GFM2: variants seen among roughly 807,000 people sequenced by gnomAD.
GFM2 encodes the protein GTP dependent ribosome recycling factor mitochondrial 2.
A neutral mutation model predicts 95.4 loss-of-function variants in GFM2; 72 were observed. The ratio of observed to expected loss-of-function variants is 0.76; its 90% CI spans 0.62 to 0.92. The LOEUF (loss-of-function observed/expected upper bound fraction) is 0.92. Among genes scored for constraint, GFM2 ranks in the 40% least tolerant of loss-of-function variants. GFM2 has a pLI of 0.00. For missense variants in GFM2, 825 were observed against 924.1 expected, an observed-to-expected ratio of 0.89 and a Z score of 1.39; for synonymous variants, 276 against 317.5, an observed-to-expected ratio of 0.87 and a Z score of 1.39.
At chr5:74,723,261 G>A (rs1194329118) in intron 19 of GFM2, among the ~76,000 whole-genome samples, 1 of 152,044 alleles carries the variant, frequency 6.6e-6, no homozygotes, top group East Asian at 1.9e-4. Flanking sequence ...CCTCAAAAAC[G>A]TTAAATCCTA....
intron 5 of GFM2, among the ~76,000 whole-genome samples, chr5:74,758,647 A>T (rs537351431): frequency 6.6e-6 from 1 of 152,324 alleles, no homozygotes; most frequent in Non-Finnish European, 1.5e-5. Context: ...GGGGCCTATG[A>T]TAGTCTTACA....
chr5:74,736,743 T>A, intron 15 of GFM2, 53 bp downstream of exon 15: 4 of 1,607,292 alleles, frequency 2.5e-6, no homozygotes, highest in Non-Finnish European at 3.4e-6. Flanking sequence ...TTGCAACTAT[T>A]TTATATAAAT....
At chr5:74,755,971 G>C (rs1333576856) in intron 5 of GFM2, among the ~76,000 whole-genome samples, 1 of 152,086 alleles carries the variant, frequency 6.6e-6, no homozygotes, top group African/African-American at 2.4e-5. Context: ...CAAAATACTA[G>C]CTAACTGAAT....
intron 5 of GFM2, among the ~76,000 whole-genome samples, chr5:74,752,145 G>A (rs530927191): frequency 3.9e-5 from 6 of 152,254 alleles, no homozygotes; most frequent in African/African-American, 1.4e-4. Context: ...TTGTACAAGT[G>A]CAAGTAGTCT....
In GFM2 at chr5:74,746,418, G is replaced by A. The variant is rs542360121; in HGVS notation, c.609-253C>T. Among the ~76,000 whole-genome samples, 12 of 152,270 alleles carry A rather than the reference G, an allele frequency of 7.9e-5. No homozygotes were observed. The East Asian group carries it at 2.3e-3, about 29-fold the overall frequency. ...GCTGTTTAGGGTATTATTATTGTGA[G>A]CTTCGCATAACTATACTTTGCAATT... On this transcript the variant is annotated intron_variant, in intron 8 of 20. Transcript: ENST00000296805.
chr5:74,765,012 C>CG (rs1744482863), intron 1 of GFM2: 4 of 492,656 alleles, frequency 8.1e-6, no homozygotes, highest in African/African-American at 2.0e-5. Context: ...TCGTGAACTC[C>CG]TGACCTCAAG....
At chr5:74,755,319 A>C (rs1743924417) in intron 5 of GFM2, among the ~76,000 whole-genome samples, 1 of 152,220 alleles carries the variant, frequency 6.6e-6, no homozygotes, top group Admixed American at 6.5e-5. Flanking sequence ...ATAAAACTGG[A>C]AATCAACTCC....
intron 7 of GFM2, among the ~76,000 whole-genome samples, chr5:74,748,106 C>T (rs2112307085): frequency 6.6e-6 from 1 of 152,260 alleles, no homozygotes; most frequent in East Asian, 1.9e-4. Context: ...AGGAGACCTA[C>T]TTCTTGTTTG....
chr5:74,724,352 A>AT (rs1406368653), intron 19 of GFM2, among the ~76,000 whole-genome samples: 1 of 151,802 alleles, frequency 6.6e-6, no homozygotes, highest in Non-Finnish European at 1.5e-5. Flanking sequence ...TTACTTGGGG[A>AT]TGGGCATGGT....
chr5:74,727,030 T>C (rs1274406692), intron 17 of GFM2, among the ~76,000 whole-genome samples: 2 of 152,006 alleles, frequency 1.3e-5, no homozygotes, highest in African/African-American at 4.8e-5. Context: ...TAGCTGAGTA[T>C]GGTAGTGCAC....
intron 20 of GFM2, 30 bp from the exon 21 acceptor site, chr5:74,721,813 T>C (rs1287195496): frequency 1.3e-6 from 2 of 1,579,588 alleles, no homozygotes; most frequent in South Asian, 2.3e-5. Flanking sequence ...TCATTTATAT[T>C]ATCAAATTTA....
intron 16 of GFM2, among the ~76,000 whole-genome samples, chr5:74,732,183 G>C (rs976379192): frequency 2.1e-5 from 3 of 144,776 alleles, no homozygotes; most frequent in African/African-American, 7.8e-5. Flanking sequence ...TGTTGCCCAG[G>C]CTGGTCTTGA....
Position 74,746,090 on chromosome 5 carries a change from T to G in GFM2, c.669+15A>C, listed in dbSNP as rs751941790. 9.9e-6 allele frequency: 15 copies of G among 1,510,520 alleles called. No homozygotes were observed. In the South Asian group the frequency reaches 1.9e-4, roughly 19 times the overall value. 93.6% of individuals were successfully genotyped at this position (1,510,520 alleles called of 1,614,324 possible). A position where few individuals can be genotyped will look rare whatever the true frequency, so the allele number is the denominator to read the frequency against. ...GAGGAAACTGAGAAGAAGCTGATGC[T>G]ATTAACCAATTTACCTGTAAAAGCA... On this transcript the variant is annotated intron_variant, in intron 9 of 20. Transcript: ENST00000296805.
intron 2 of GFM2, among the ~76,000 whole-genome samples, chr5:74,763,047 A>G (rs1178801541): frequency 6.6e-6 from 1 of 152,248 alleles, no homozygotes; most frequent in Non-Finnish European, 1.5e-5. Flanking sequence ...ACTTAGCTAT[A>G]GATAAAAAGG....
chr5:74,731,680 GGAAAATA>G (rs1742568281), intron 16 of GFM2, among the ~76,000 whole-genome samples: 1 of 152,022 alleles, frequency 6.6e-6, no homozygotes, highest in Admixed American at 6.6e-5. Flanking sequence ...AACTATTTGG[GGAAAATA>G]GTTGTAAAAT....
chr5:74,735,340 T>A (rs1742779537), intron 15 of GFM2, among the ~76,000 whole-genome samples: 2 of 152,202 alleles, frequency 1.3e-5, no homozygotes, highest in Non-Finnish European at 2.9e-5. Context: ...TCATGTGAAC[T>A]CCATTTGGGG....
At chr5:74,749,849 G>T (rs558405160) in intron 7 of GFM2, among the ~76,000 whole-genome samples, 3 of 151,828 alleles carry the variant, frequency 2.0e-5, no homozygotes, top group Non-Finnish European at 4.4e-5. Context: ...TGCTTCTTAT[G>T]TCCTCTAAGA....
intron 5 of GFM2, among the ~76,000 whole-genome samples, chr5:74,757,507 T>C (rs1019889235): frequency 6.6e-6 from 1 of 151,912 alleles, no homozygotes; most frequent in Admixed American, 6.6e-5. Flanking sequence ...ATAAAAGGAA[T>C]CTTCACTTGA....
intron 8 of GFM2, among the ~76,000 whole-genome samples, chr5:74,746,643 A>G (rs552262166): frequency 6.6e-6 from 1 of 152,220 alleles, no homozygotes; most frequent in South Asian, 2.1e-4. Flanking sequence ...CTATGCTAAC[A>G]CTGCAGCTGG....
Sources: allele counts gnomAD v4.1 joint callset (sites outside exome capture counted in the v4.1 genomes callset), GRCh38; gene constraint gnomAD v4.1.1; transcripts MANE v1.5; gene names NCBI Gene and HGNC (gene_info 2026-07-23, HGNC 2026-07-21).